The following ACTN3 variants were observed in gnomAD, a reference collection of about 807,000 sequenced individuals.
ACTN3 encodes actinin alpha 3.
In ACTN3, 91 loss-of-function variants were observed where a neutral mutation model predicts 119.6. The ratio of observed to expected loss-of-function variants is 0.76; its 90% CI spans 0.64 to 0.91. The LOEUF is 0.91. ACTN3 is among the 40% of genes least tolerant of loss of function. The pLI is 0.00. For missense variants in ACTN3, 1,221 were observed against 1,215.1 expected (o/e 1.00, Z -0.07); for synonymous variants, 456 against 478.8 (o/e 0.95, Z 0.62).
At chr11:66,550,682 C>T (rs1419323847) in intron 1 of ACTN3, among the ~76,000 whole-genome samples, 2 of 152,138 alleles carry the variant, frequency 1.3e-5, no homozygotes, top group East Asian at 1.9e-4. Flanking sequence ...AGGCTGGGCC[C>T]GAGTGCCAGC....
At chr11:66,556,490 T>C (rs1857593562) in intron 8 of ACTN3, among the ~76,000 whole-genome samples, 1 of 152,172 alleles carries the variant, frequency 6.6e-6, no homozygotes, top group African/African-American at 2.4e-5. Flanking sequence ...CACTCTGTCA[T>C]CCAGGCTGGA....
At chr11:66,546,412 C>T (rs1590800804), upstream of ACTN3, 2 of 840,934 alleles carry the variant, frequency 2.4e-6, no homozygotes, top group Non-Finnish European at 3.6e-6. Flanking sequence ...CTGCCGCAGC[C>T]CATCCAGCTG....
Position 66,560,740 on chromosome 11 carries a change from C to T in ACTN3, c.1845C>T (p.Asn615=), listed in dbSNP as rs1417515441. Residue 615 remains asparagine, a synonymous_variant, in exon 15 of 21, where the codon AAC becomes AAT. Coordinates refer to ENST00000513398, the MANE Select transcript of ACTN3 (RefSeq NM_001104.4). ...TCACCCTCAGCCCGCAGGACATCAA[C>T]ACCAAGTGGGATATGGTCAGTGCCA... is the stretch of plus-strand genomic sequence containing the variant. ...PYITLSPQDI[N]TKWDMVRKLV... is the part of the protein sequence containing the mutation. The T allele has an allele frequency of 2.5e-6, 4 of 1,612,148 alleles. No homozygotes were observed. In the East Asian group the frequency reaches 8.9e-5, roughly 36 times the overall value.
At chr11:66,553,709 A>G (rs1857524711) in intron 3 of ACTN3, among the ~76,000 whole-genome samples, 1 of 151,620 alleles carries the variant, frequency 6.6e-6, no homozygotes, top group South Asian at 2.1e-4. Flanking sequence ...TCTCTACTAA[A>G]AATAAAAAAA....
In ACTN3 at chr11:66,561,681, T is replaced by C. The variant is rs750367176; in HGVS notation, c.2175+44T>C. ...AGGAGAGTGGGGAGGCAGCACTGGC[T>C]GAGGAGGCCCAGGGAGATCACAGCT... On this transcript the variant is annotated intron_variant, in intron 17 of 20. Transcript: ENST00000513398. 4.4e-6 allele frequency: 7 copies of C among 1,577,562 alleles called. No homozygotes were observed. The South Asian group carries it at 8.3e-5, about 19-fold the overall frequency.
rs376065059 is a variant in ACTN3, at chr11:66,560,573, A to G, written c.1678A>G (p.Ser560Gly). 5.6e-6 allele frequency: 9 copies of G among 1,608,438 alleles called. No homozygotes were observed. The highest frequency in any genetic ancestry group is 7.6e-6 in the Non-Finnish European group (9 of 1,177,190). ...GACACTTCCTGCCTGTCGTCCCCAG[A>G]GCCTGCTGACAGCGCACGATCAGTT... ...WLVHSVEETQSLLTAHDQFKA... is the reference protein window; with the variant it reads ...WLVHSVEETQGLLTAHDQFKA... Residue 560 changes from serine (S) to glycine (G), a missense_variant and splice_region_variant, in exon 15 of 21, where the codon AGC (serine) becomes GGC (glycine). Physicochemically the swap from Ser to Gly is moderately conservative, Grantham distance 56. Around this residue, in one of 3 missense-constraint regions of ACTN3, gnomAD observed 934 missense variants for 899.9 expected, o/e 1.04. Coordinates refer to ENST00000513398, the MANE Select transcript of ACTN3 (RefSeq NM_001104.4).
rs201200629 is a variant in ACTN3, at chr11:66,547,040, C to G, written c.103C>G (p.Arg35Gly). ...EYMEQEEDWD[R>G]DLLLDPAWEK... The stretch of plus-strand genomic sequence containing the variant: ...CATGGAACAGGAGGAGGACTGGGAC[C>G]GCGACCTGCTGCTGGACCCGGCCTG... The change falls in exon 1 of 21, where the codon CGC becomes GGC. Residue 35 changes from arginine (R) to glycine (G), a missense_variant. Transcript: ENST00000513398. 1.6e-4 allele frequency: 245 copies of G among 1,511,364 alleles called. No individual in the cohort carries two copies. Among genetic ancestry groups the G allele is most frequent in the Non-Finnish European group, 1.2e-5 (14 of 1,131,564 alleles). The allele number at this position is 1,511,364 out of a possible 1,614,324, so 93.6% of individuals were successfully genotyped here. A position where few individuals can be genotyped will look rare whatever the true frequency, so the allele number is the denominator to read the frequency against.
rs1475101144 is a variant in ACTN3, at chr11:66,557,920, G to A, written c.1119G>A (p.Lys373=). Residue 373 remains lysine, a synonymous_variant, in exon 10 of 21, where the codon AAG becomes AAA. Transcript: ENST00000513398. The part of the protein sequence containing the change: ...HRPAFMPSEG[K]LVSDIANAWR... ...CTGCCTTCATGCCCTCCGAGGGCAAGCTGGTCTCGGTGAGCTCTACACACA... is the reference window on the plus strand; with the variant it reads ...CTGCCTTCATGCCCTCCGAGGGCAAACTGGTCTCGGTGAGCTCTACACACA... The A allele has an allele frequency of 6.2e-7, 1 of 1,609,064 alleles. No homozygotes were observed. The highest frequency in any genetic ancestry group is 8.5e-7 in the Non-Finnish European group (1 of 1,177,804).
At chr11:66,559,196 G>A (rs761857889) in intron 11 of ACTN3, 40 bp from the exon 12 acceptor site, 104 of 1,445,638 alleles carry the variant, frequency 7.2e-5, no homozygotes, top group Non-Finnish European at 9.2e-5. Flanking sequence ...CCCTGCCCCT[G>A]CCGCCACTGG....
intron 7 of ACTN3, among the ~76,000 whole-genome samples, chr11:66,555,833 C>T (rs553515818): frequency 5.3e-5 from 8 of 152,100 alleles, no homozygotes; most frequent in Non-Finnish European, 8.8e-5. Flanking sequence ...ACACACAGAC[C>T]GAGGGAGGTA....
chr11:66,547,069 G>A lies in ACTN3; in HGVS notation c.132G>A (p.Glu44=). Residue 44 remains glutamate (E), a synonymous_variant, in exon 1 of 21, where the codon GAG becomes GAA. Transcript: ENST00000513398. ...ACCTGCTGCTGGACCCGGCCTGGGA[G>A]AAGCAGCAGCGGAAAGTGAGTGCTC... ...DRDLLLDPAW[E]KQQRKTFTAW... is the part of the protein sequence containing the mutation. 2.0e-6 allele frequency: 3 copies of A among 1,509,570 alleles called. No individual in the cohort carries two copies. The highest frequency in any genetic ancestry group is 2.7e-6 in the Non-Finnish European group (3 of 1,131,474). 93.5% of individuals were successfully genotyped at this position (1,509,570 alleles called of 1,614,324 possible).
chr11:66,561,523 G>T lies in ACTN3; in HGVS notation c.2061G>T (p.Gln687His). 1 of 1,608,334 alleles carries T rather than the reference G, an allele frequency of 6.2e-7. No individual in the cohort carries two copies. The highest frequency in any genetic ancestry group is 8.5e-7 in the Non-Finnish European group (1 of 1,177,434). Residue 687 changes from glutamine to histidine, a missense_variant, in exon 17 of 21, where the codon CAG (glutamine) becomes CAT (histidine). By Grantham distance (24) the Gln-to-His change is conservative. Coordinates refer to ENST00000513398, the MANE Select transcript of ACTN3 (RefSeq NM_001104.4). ...SLEEQMAGLR[Q>H]QEQNIINYKT... is the part of the protein sequence containing the mutation. ...AGGAGCAGATGGCTGGGCTACGGCA[G>T]CAGGAGCAGAACATTATCAACTACA...
chr11:66,548,129 C>T (rs1857401593), intron 1 of ACTN3, among the ~76,000 whole-genome samples: 1 of 152,114 alleles, frequency 6.6e-6, no homozygotes, highest in Admixed American at 6.6e-5. Flanking sequence ...ACCTGAGAGT[C>T]CCAGAATTTA....
chr11:66,554,087 G>A lies in ACTN3; in HGVS notation c.425G>A (p.Trp142Ter), dbSNP rs374050345. ...GNLKMTLGMI[W>*]TIILRFAIQD... ...CTGAAGATGACCCTGGGCATGATCT[G>A]GACCATCATCCTTCGCTTCGCCATC... Residue 142 changes from tryptophan to a stop codon, truncating the protein, a stop_gained, in exon 4 of 21, where the codon TGG becomes TAG. Transcript: ENST00000513398. LOFTEE classifies it high-confidence loss of function. 13 of 1,613,744 alleles carry A rather than the reference G, an allele frequency of 8.1e-6. No homozygotes were observed. Among genetic ancestry groups the A allele is most frequent in the African/African-American group, 5.3e-5 (4 of 74,842 alleles).
chr11:66,546,753 C>G (rs150880895), upstream of ACTN3: 2,608 of 1,535,636 alleles, frequency 1.7e-3, 41 homozygotes, highest in African/African-American at 0.031. Flanking sequence ...CCCCGAGTCC[C>G]GCAGTTCCCG....
Position 66,560,713 on chromosome 11 carries a change from C to G in ACTN3, c.1818C>G (p.Tyr606Ter). Residue 606 changes from tyrosine (Y) to a stop codon, truncating the protein, a stop_gained, in exon 15 of 21, where the codon TAC becomes TAG. Transcript: ENST00000513398. LOFTEE classifies it high-confidence loss of function. ...YGLRPCSTNP[Y>*]ITLSPQDINT... ...TGCGGCCCTGCTCCACCAATCCCTA[C>G]ATCACCCTCAGCCCGCAGGACATCA... 1.2e-6 allele frequency: 2 copies of G among 1,613,806 alleles called. No individual in the cohort carries two copies. The highest frequency in any genetic ancestry group is 1.7e-6 in the Non-Finnish European group (2 of 1,179,780).
At chr11:66,558,622 C>A (rs1048869427) in intron 11 of ACTN3, among the ~76,000 whole-genome samples, 4 of 152,296 alleles carry the variant, frequency 2.6e-5, no homozygotes, top group Non-Finnish European at 5.9e-5. Flanking sequence ...CCCACCTCAG[C>A]CTCCCAAAGT....
rs77271331 is a variant in ACTN3, at chr11:66,560,565, G to A, written c.1678-8G>A. The A allele has an allele frequency of 1.1e-3, 1,828 of 1,604,884 alleles. 11 individuals are homozygous for A. The African/African-American group carries it at 0.017, about 15-fold the overall frequency. Reference sequence around the variant, plus strand: ...CACCAGCTGACACTTCCTGCCTGTCGTCCCCAGAGCCTGCTGACAGCGCAC... The same window carrying A: ...CACCAGCTGACACTTCCTGCCTGTCATCCCCAGAGCCTGCTGACAGCGCAC... On this transcript the variant is annotated splice_region_variant and splice_polypyrimidine_tract_variant and intron_variant, in intron 14 of 20. Coordinates refer to ENST00000513398, the MANE Select transcript of ACTN3 (RefSeq NM_001104.4).
chr11:66,559,267 C>A lies in ACTN3; in HGVS notation c.1308C>A (p.Tyr436Ter). Residue 436 changes from tyrosine (Y) to a stop codon, truncating the protein, a stop_gained, in exon 12 of 21, where the codon TAC (tyrosine) becomes TAA (stop). Transcript: ENST00000513398. LOFTEE classifies it high-confidence loss of function. ...AGGAGATGCTGAGCCAGCGCGACTA[C>A]GATTCGGCTTTGCTACAGGAGGTGC... is the stretch of plus-strand genomic sequence containing the variant. ...GKEEMLSQRD[Y>*]DSALLQEVRA... 6.4e-7 allele frequency: 1 copy of A among 1,564,224 alleles called. No individual in the cohort carries two copies. Among genetic ancestry groups the A allele is most frequent in the Non-Finnish European group, 8.6e-7 (1 of 1,157,692 alleles).
Sources: gnomAD v4.1 joint callset for allele counts (sites outside exome capture counted in the v4.1 genomes callset) on GRCh38, gnomAD v4.1.1 for gene constraint, gnomAD v4.1.1 regional missense constraint, MANE v1.5 for transcripts, NCBI Gene and HGNC (gene_info 2026-07-23, HGNC 2026-07-21) for gene names.